The following ADGRB3 variants were observed in gnomAD, a reference collection of about 807,000 sequenced individuals.
ADGRB3 encodes brain-specific angiogenesis inhibitor 3.
In ADGRB3, 37 loss-of-function variants were observed where a neutral mutation model predicts 193.4. The ratio of observed to expected loss-of-function variants is 0.19; its 90% CI spans 0.15 to 0.25. The LOEUF (loss-of-function observed/expected upper bound fraction) is 0.25. ADGRB3 is among the 10% of genes least tolerant of loss of function. The pLI is 1.00. For missense variants in ADGRB3, 1,637 were observed against 1,852.9 expected (o/e 0.88, Z 2.14); for synonymous variants, 690 against 644.2 (o/e 1.07, Z -1.08).
intron 8 of ADGRB3, among the ~76,000 whole-genome samples, chr6:68,965,539 T>G (rs1380622219): frequency 6.6e-6 from 1 of 152,158 alleles, no homozygotes; most frequent in Non-Finnish European, 1.5e-5. Context: ...AAACTAATTT[T>G]CCACACAAAA....
intron 17 of ADGRB3, among the ~76,000 whole-genome samples, chr6:69,147,036 A>G (rs1774522138): frequency 6.6e-6 from 1 of 150,590 alleles, no homozygotes; most frequent in Non-Finnish European, 1.5e-5. Flanking sequence ...TTATTTGGGT[A>G]TCTCTCATTT....
At chr6:69,232,596 C>G (rs1766167130) in intron 17 of ADGRB3, 8 of 1,535,644 alleles carry the variant, frequency 5.2e-6, no homozygotes, top group Non-Finnish European at 7.0e-6. Context: ...CAGAGGCGAG[C>G]TGGACTGAGT....
At chr6:69,133,345 T>G (rs186280059) in intron 17 of ADGRB3, among the ~76,000 whole-genome samples, 2 of 152,344 alleles carry the variant, frequency 1.3e-5, no homozygotes, top group East Asian at 3.9e-4. Context: ...TTCACATCCC[T>G]TGTAAGTTGT....
At chr6:68,654,093 A>C (rs1768436615) in intron 3 of ADGRB3, among the ~76,000 whole-genome samples, 1 of 152,090 alleles carries the variant, frequency 6.6e-6, no homozygotes. Flanking sequence ...GTAATCACTT[A>C]GTAAGCACTG....
intron 24 of ADGRB3, among the ~76,000 whole-genome samples, chr6:69,333,423 A>G (rs896856602): frequency 1.8e-4 from 28 of 152,200 alleles, no homozygotes; most frequent in African/African-American, 5.8e-4. Context: ...GCAAAATACT[A>G]TATTTTCTTT....
At chr6:69,218,068 C>CAAAAA (rs556270079) in intron 17 of ADGRB3, among the ~76,000 whole-genome samples, 4 of 81,170 alleles carry the variant, frequency 4.9e-5, no homozygotes, top group African/African-American at 5.0e-5. Flanking sequence ...CTCCAGCTGA[C>CAAAAA]AAAAAAAAAA....
Position 69,064,357 on chromosome 6 carries a change from A to T in ADGRB3, c.2436+1321A>T, listed in dbSNP as rs115006356. ...TCTAAATAGTTTAACTATTTAAACT[A>T]TTTAAACTATTAGTTAATATTTAAA... On this transcript the variant is annotated intron_variant, in intron 16 of 31. Coordinates refer to ENST00000370598, the MANE Select transcript of ADGRB3 (RefSeq NM_001704.3). 6.2e-3 allele frequency among the ~76,000 whole-genome samples: 938 copies of T among 152,040 alleles called. 9 individuals carry two copies. Among genetic ancestry groups the T allele is most frequent in the African/African-American group, 0.021 (869 of 41,484 alleles).
chr6:69,094,713 A>G (rs1003358767), intron 17 of ADGRB3, among the ~76,000 whole-genome samples: 1 of 152,178 alleles, frequency 6.6e-6, no homozygotes, highest in Non-Finnish European at 1.5e-5. Context: ...AAGGTTTTAA[A>G]CTTGAACAAT....
At chr6:68,895,037 AATT>A (rs1239588470) in intron 3 of ADGRB3, among the ~76,000 whole-genome samples, 5 of 152,058 alleles carry the variant, frequency 3.3e-5, no homozygotes, top group African/African-American at 1.2e-4. Flanking sequence ...TAGTGGAGAA[AATT>A]ATTAAGTGGT....
intron 20 of ADGRB3, among the ~76,000 whole-genome samples, chr6:69,300,788 C>G (rs931208833): frequency 2.6e-5 from 4 of 151,696 alleles, no homozygotes; most frequent in Admixed American, 1.3e-4. Flanking sequence ...ACCATGAAAA[C>G]TATAAAACAT....
chr6:68,871,232 G>C (rs1476816623), intron 3 of ADGRB3, among the ~76,000 whole-genome samples: 1 of 152,048 alleles, frequency 6.6e-6, no homozygotes, highest in East Asian at 1.9e-4. Context: ...ATCCTCAGTT[G>C]TCTATTACAA....
rs118169841 is a variant in ADGRB3 at position 69,306,886 on chromosome 6, G to A, written c.2815-17986G>A. On this transcript the variant is annotated intron_variant, in intron 20 of 31. Coordinates refer to ENST00000370598, the MANE Select transcript of ADGRB3 (RefSeq NM_001704.3). ...ATCACAGATTTAAGAGAGCAAGCAA[G>A]ATTTCTCAGTGTATTTCATCATATT... Among the ~76,000 whole-genome samples, 195 of 151,488 alleles carry A rather than the reference G, an allele frequency of 1.3e-3. 1 individual carries two copies. The highest frequency in any genetic ancestry group is 9.3e-4 in the Non-Finnish European group (63 of 67,796).
chr6:68,951,427 A>C (rs1767914979), intron 6 of ADGRB3, among the ~76,000 whole-genome samples: 1 of 152,054 alleles, frequency 6.6e-6, no homozygotes, highest in Non-Finnish European at 1.5e-5. Context: ...CTCTAGTGAA[A>C]CGCTCTGGTT....
At position 69,025,358 on chromosome 6, in the gene ADGRB3, A is replaced by G. The variant is rs375168923; in HGVS notation, c.2107+6859A>G. Among the ~76,000 whole-genome samples, 8 of 152,092 alleles carry G rather than the reference A, an allele frequency of 5.3e-5. No homozygotes were observed. In the East Asian group the frequency reaches 1.2e-3, roughly 22 times the overall value. ...AGAGAAACCAACTTTCAGTCTGACAATATTATTCTAAAATATAGTGGCTTC... is the reference window on the plus strand; with the variant it reads ...AGAGAAACCAACTTTCAGTCTGACAGTATTATTCTAAAATATAGTGGCTTC... On this transcript the variant is annotated intron_variant, in intron 13 of 31. Transcript: ENST00000370598.
intron 20 of ADGRB3, among the ~76,000 whole-genome samples, chr6:69,263,934 C>T (rs1295194157): frequency 6.6e-6 from 1 of 151,946 alleles, no homozygotes; most frequent in Admixed American, 6.6e-5. Flanking sequence ...AACTTCATTT[C>T]AATATGTTCT....
intron 20 of ADGRB3, among the ~76,000 whole-genome samples, chr6:69,289,153 A>G (rs1355608029): frequency 2.6e-5 from 4 of 152,174 alleles, no homozygotes; most frequent in Non-Finnish European, 5.9e-5. Flanking sequence ...AAGTAATGGT[A>G]GAAATTTTAA....
At chr6:69,255,245 A>G (rs992493150) in intron 20 of ADGRB3, among the ~76,000 whole-genome samples, 1 of 152,096 alleles carries the variant, frequency 6.6e-6, no homozygotes, top group African/African-American at 2.4e-5. Flanking sequence ...GCTGGGTCAA[A>G]TGGTATTTCT....
intron 3 of ADGRB3, among the ~76,000 whole-genome samples, chr6:68,751,257 T>C (rs1766193087): frequency 6.6e-6 from 1 of 152,160 alleles, no homozygotes; most frequent in East Asian, 1.9e-4. Context: ...TCTTATAGTT[T>C]AGACTTCTAC....
At position 68,638,899 on chromosome 6, in the gene ADGRB3, A is replaced by T. The variant is rs1419997229; in HGVS notation, c.224A>T (p.Lys75Ile). The change falls in exon 3 of 32, where the codon AAA (lysine) becomes ATA (isoleucine). Residue 75 changes from lysine to isoleucine, a missense_variant. Physicochemically the swap from Lys to Ile is moderately radical, Grantham distance 102. Coordinates refer to ENST00000370598, the MANE Select transcript of ADGRB3 (RefSeq NM_001704.3). Reference protein sequence around the residue: ...TKYSIYLKFSKKDLSCSNFSL... With the variant: ...TKYSIYLKFSIKDLSCSNFSL... ...TATAGCATTTACCTGAAATTTTCCA[A>T]AAAGGACCTTAGCTGCTCTAACTTT... is the stretch of plus-strand genomic sequence containing the variant. 6.2e-7 allele frequency: 1 copy of T among 1,614,156 alleles called. No individual in the cohort carries two copies. The highest frequency in any genetic ancestry group is 1.3e-5 in the African/African-American group (1 of 75,052).
Sources: gnomAD v4.1 joint callset for allele counts (sites outside exome capture counted in the v4.1 genomes callset) on GRCh38, gnomAD v4.1.1 for gene constraint, MANE v1.5 for transcripts, NCBI Gene and HGNC (gene_info 2026-07-23, HGNC 2026-07-21) for gene names.